The following MYO1H variants were observed in gnomAD, a reference collection of about 807,000 sequenced individuals.
MYO1H encodes unconventional myosin-Ih.
MYO1H carries 118 observed loss-of-function variants against 149.3 expected under a neutral mutation model. The ratio of observed to expected loss-of-function variants is 0.79; its 90% CI spans 0.68 to 0.92. The LOEUF is 0.92. Among genes scored for constraint, MYO1H ranks in the 40% least tolerant of loss-of-function variants. MYO1H has a pLI of 0.00. For missense variants in MYO1H, 1,212 were observed against 1,280.7 expected (o/e 0.95, Z 0.82); for synonymous variants, 447 against 465.2 (o/e 0.96, Z 0.50).
chr12:109,447,639 A>C, exon 32 of MYO1H: 1 of 185,994 alleles, frequency 5.4e-6, no homozygotes, highest in East Asian at 1.2e-4. Context: ...TGTTCTCCCC[A>C]TGTCTCTGGG....
At chr12:109,385,586 G>A (rs555670215) in intron 1 of MYO1H, among the ~76,000 whole-genome samples, 1 of 152,204 alleles carries the variant, frequency 6.6e-6, no homozygotes. Flanking sequence ...AGCCTACCAC[G>A]CCCAGCCTGA....
chr12:109,443,154 G>GTGTACGTGTGTGTATATATGTGTACATA lies in MYO1H; in HGVS notation c.2689-357_2689-356insACGTGTGTGTATATATGTGTACATATGT, dbSNP rs1566045044. Among the ~76,000 whole-genome samples, 2 of 52,302 alleles carry GTGTACGTGTGTGTATATATGTGTACATA rather than the reference G, an allele frequency of 3.8e-5. 1 individual carries two copies. The highest frequency in any genetic ancestry group is 7.5e-5 in the Non-Finnish European group (2 of 26,710). 34.3% of individuals were successfully genotyped at this position (52,302 alleles called of 152,430 possible). A position where few individuals can be genotyped will look rare whatever the true frequency, so the allele number is the denominator to read the frequency against. The stretch of plus-strand genomic sequence containing the variant: ...TATATGTGTGTATATGTGTACGTAT[G>GTGTACGTGTGTGTATATATGTGTACATA]TGTGTGTATATGTGTACGTATGTGT... On this transcript the variant is annotated intron_variant, in intron 27 of 31. Transcript: ENST00000310903.
chr12:109,444,423 C>T lies in MYO1H; in HGVS notation c.2896-9C>T, dbSNP rs528683311. 8.7e-6 allele frequency: 14 copies of T among 1,612,036 alleles called. No individual in the cohort carries two copies. In the South Asian group the frequency reaches 1.2e-4, roughly 14 times the overall value. On this transcript the variant is annotated splice_polypyrimidine_tract_variant and intron_variant, in intron 29 of 31. Transcript: ENST00000310903. ...ACTGAAATTATGCCTTGTCTCCTCC[C>T]CACCCCAGGGGGATGCCGTTTTGCA...
chr12:109,440,982 G>GA (rs1429522226), intron 25 of MYO1H, among the ~76,000 whole-genome samples, 155 bp downstream of exon 25: 1 of 152,226 alleles, frequency 6.6e-6, no homozygotes, highest in Non-Finnish European at 1.5e-5. Context: ...TAGACCTGCA[G>GA]AGAGCCCTGG....
chr12:109,351,365 A>G (rs767166711), intron 1 of MYO1H, among the ~76,000 whole-genome samples: 1 of 152,234 alleles, frequency 6.6e-6, no homozygotes, highest in Non-Finnish European at 1.5e-5. Flanking sequence ...TGACTAACAA[A>G]ATAAACATTT....
chr12:109,377,114 A>G lies in MYO1H; in HGVS notation c.13-11569A>G, dbSNP rs564800013. ...GTTTCAAAACATTTCCATCACTCCA[A>G]AGTAAAATATCTTCCCATTAAGCAG... On this transcript the variant is annotated intron_variant, in intron 1 of 31. Transcript: ENST00000310903. 7.9e-5 allele frequency among the ~76,000 whole-genome samples: 12 copies of G among 152,326 alleles called. No individual in the cohort carries two copies. In the East Asian group the frequency reaches 1.9e-3, roughly 24 times the overall value.
At chr12:109,348,273 G>A (rs1298223111) in intron 1 of MYO1H, among the ~76,000 whole-genome samples, 4 of 152,182 alleles carry the variant, frequency 2.6e-5, no homozygotes, top group African/African-American at 9.7e-5. Flanking sequence ...GTCTCTGTTA[G>A]CACTGCCTAA....
chr12:109,401,237 G>A (rs568424162), exon 6 of MYO1H: 34 of 1,613,184 alleles, frequency 2.1e-5, no homozygotes, highest in Admixed American at 6.7e-5. Context: ...CCTGGGACTC[G>A]AGCGAGACCC....
At chr12:109,415,043 A>G (rs1870845441) in intron 14 of MYO1H, among the ~76,000 whole-genome samples, 1 of 152,176 alleles carries the variant, frequency 6.6e-6, no homozygotes, top group South Asian at 2.1e-4. Flanking sequence ...ATCTTGGTCT[A>G]TGGCCAGAAA....
At chr12:109,380,189 C>G (rs1048169007) in intron 1 of MYO1H, among the ~76,000 whole-genome samples, 1 of 152,048 alleles carries the variant, frequency 6.6e-6, no homozygotes, top group Non-Finnish European at 1.5e-5. Flanking sequence ...GCCACCGCAC[C>G]CAGGCCAATT....
chr12:109,349,255 C>T (rs1868403565), intron 1 of MYO1H, among the ~76,000 whole-genome samples: 1 of 152,114 alleles, frequency 6.6e-6, no homozygotes, highest in South Asian at 2.1e-4. Flanking sequence ...TGCAGATTGA[C>T]TTATACATAG....
intron 1 of MYO1H, among the ~76,000 whole-genome samples, chr12:109,385,865 C>A (rs79694226): frequency 0.058 from 8,882 of 152,174 alleles, 855 homozygotes; most frequent in African/African-American, 0.2. Flanking sequence ...ACCTCTTCCC[C>A]ACTTATTTTT....
At chr12:109,318,966 G>GT in the MYO1H span, among the ~76,000 whole-genome samples, 45 of 61,256 alleles carry the variant, frequency 7.3e-4, 1 homozygote, top group African/African-American at 2.7e-3. Flanking sequence ...CTGCGTTTTT[G>GT]GTTTTGTTTT....
At chr12:109,421,433 A>T (rs1871171184) in intron 16 of MYO1H, among the ~76,000 whole-genome samples, 1 of 152,214 alleles carries the variant, frequency 6.6e-6, no homozygotes, top group South Asian at 2.1e-4. Context: ...AATTTAGGTG[A>T]TTAGAGAAAA....
chr12:109,375,283 G>T (rs946208062), intron 1 of MYO1H, among the ~76,000 whole-genome samples: 1 of 151,428 alleles, frequency 6.6e-6, no homozygotes, highest in African/African-American at 2.4e-5. Flanking sequence ...CTCCTGAGTT[G>T]CTGGGGCTAC....
chr12:109,313,097 T>G, the MYO1H span, among the ~76,000 whole-genome samples: 96 of 152,072 alleles, frequency 6.3e-4, no homozygotes, highest in African/African-American at 2.2e-3. Context: ...AACAAAAAAT[T>G]AGCCAGGCAT....
intron 7 of MYO1H, among the ~76,000 whole-genome samples, 151 bp downstream of exon 7, chr12:109,404,231 A>AT (rs113394824): frequency 9.9e-5 from 15 of 152,240 alleles, no homozygotes; most frequent in African/African-American, 3.4e-4. Flanking sequence ...TAATTCCAGC[A>AT]TTTTGGGAGG....
At chr12:109,388,817 C>G in exon 2 of MYO1H, 2 of 1,612,828 alleles carry the variant, frequency 1.2e-6, no homozygotes, top group Non-Finnish European at 1.7e-6. Flanking sequence ...ACAACCTCCG[C>G]AAGCGTTTCA....
intron 2 of MYO1H, among the ~76,000 whole-genome samples, chr12:109,392,294 G>A (rs916110668): frequency 2.6e-5 from 4 of 152,148 alleles, no homozygotes; most frequent in Non-Finnish European, 4.4e-5. Context: ...GCCCTCACTC[G>A]GGCTTCAACC....
Sources: allele counts gnomAD v4.1 joint callset (sites outside exome capture counted in the v4.1 genomes callset), GRCh38; gene constraint gnomAD v4.1.1; transcripts MANE v1.5; gene names NCBI Gene and HGNC (gene_info 2026-07-23, HGNC 2026-07-21).